The following P3H2 variants were observed in gnomAD, a reference collection of about 807,000 sequenced individuals.
P3H2 encodes prolyl 3-hydroxylase 2, also known as leprecan-like 1.
A neutral mutation model predicts 87.0 loss-of-function variants in P3H2; 80 were observed. The ratio of observed to expected loss-of-function variants is 0.92; its 90% CI spans 0.77 to 1.11. The LOEUF is 1.11. Ranked by LOEUF, P3H2 falls within the 50% of genes least tolerant of loss-of-function variation. The probability of loss-of-function intolerance (pLI) is 0.00; values close to 1 mark genes in which losing one functional copy is unlikely to be tolerated. For synonymous variants in P3H2, 367 were observed against 359.3 expected (o/e 1.02, Z -0.24); for missense variants, 1,001 against 923.9 (o/e 1.08, Z -1.08).
In P3H2 at chr3:190,076,727, C is replaced by T. The variant is rs112717047; in HGVS notation, c.480+43525G>A. 6.3e-3 allele frequency among the ~76,000 whole-genome samples: 957 copies of T among 152,302 alleles called. 12 individuals are homozygous for T. The highest frequency in any genetic ancestry group is 0.022 in the African/African-American group (901 of 41,552). ...TGACATGTCCAAGCCCACATGGCTG[C>T]TTGGTGGAAACAGGGATTAGTAATG... On this transcript the variant is annotated intron_variant, in intron 1 of 14. Transcript: ENST00000319332.
intron 1 of P3H2, among the ~76,000 whole-genome samples, chr3:190,048,096 A>C (rs1489166105): frequency 1.3e-5 from 2 of 152,232 alleles, no homozygotes; most frequent in Non-Finnish European, 2.9e-5. Context: ...GAAGAGGAGC[A>C]GTTTCACCAA....
intron 1 of P3H2, among the ~76,000 whole-genome samples, chr3:190,115,574 T>G (rs962001487): frequency 2.0e-5 from 3 of 152,114 alleles, no homozygotes; most frequent in Non-Finnish European, 4.4e-5. Context: ...AAGTATAGTT[T>G]TAAGTAATAA....
intron 1 of P3H2, among the ~76,000 whole-genome samples, chr3:190,106,053 G>A (rs1207127972): frequency 6.6e-6 from 1 of 152,168 alleles, no homozygotes; most frequent in Non-Finnish European, 1.5e-5. Flanking sequence ...GGGTAGGAAG[G>A]AGGCTTAAAG....
chr3:190,093,762 T>A (rs1727487249), intron 1 of P3H2, among the ~76,000 whole-genome samples: 1 of 152,244 alleles, frequency 6.6e-6, no homozygotes, highest in Non-Finnish European at 1.5e-5. Flanking sequence ...GTCAAAATGA[T>A]TTGCAGTAGA....
At chr3:190,117,756 A>AG (rs559756377) in intron 1 of P3H2, among the ~76,000 whole-genome samples, 4 of 65,830 alleles carry the variant, frequency 6.1e-5, no homozygotes, top group Non-Finnish European at 1.2e-4. Context: ...GGGCTGGGGG[A>AG]GGGGGGTGAA....
At chr3:189,997,662 C>G (rs1724091050) in intron 1 of P3H2, among the ~76,000 whole-genome samples, 1 of 152,142 alleles carries the variant, frequency 6.6e-6, no homozygotes, top group Non-Finnish European at 1.5e-5. Flanking sequence ...ACATTTTTAG[C>G]TACTGTCTTT....
In P3H2 at chr3:189,987,782, A is replaced by G; in HGVS notation, c.956-113T>C. On this transcript the variant is annotated intron_variant, in intron 4 of 14. Transcript: ENST00000319332. Reference sequence around the variant, plus strand: ...TCAGCATTAAACATGAATAAGAGGGAAGATAAATTGAGGCTCAGCAGAGAA... The same window carrying G: ...TCAGCATTAAACATGAATAAGAGGGGAGATAAATTGAGGCTCAGCAGAGAA... The G allele has an allele frequency of 5.7e-6, 7 of 1,220,858 alleles. No individual in the cohort carries two copies. The South Asian group carries it at 8.7e-5, about 15-fold the overall frequency. The allele number at this position is 1,220,858 out of a possible 1,614,324, so 75.6% of individuals were successfully genotyped here. A position where few individuals can be genotyped will look rare whatever the true frequency, so the allele number is the denominator to read the frequency against.
chr3:190,068,462 TTACCCCA>T (rs1726585405), intron 1 of P3H2, among the ~76,000 whole-genome samples: 1 of 152,162 alleles, frequency 6.6e-6, no homozygotes, highest in African/African-American at 2.4e-5. Context: ...TGGTGGGAAG[TTACCCCA>T]CACCCTTTGT....
intron 1 of P3H2, among the ~76,000 whole-genome samples, chr3:190,059,262 G>A (rs531767933): frequency 5.9e-5 from 9 of 152,176 alleles, no homozygotes; most frequent in Admixed American, 2.0e-4. Context: ...AGTTTCTTGA[G>A]TAGCAGGTCT....
chr3:190,053,242 A>G (rs1162477737), intron 1 of P3H2, among the ~76,000 whole-genome samples: 2 of 152,182 alleles, frequency 1.3e-5, no homozygotes, highest in Admixed American at 6.5e-5. Flanking sequence ...AATGATGTTG[A>G]GCATTTTTAA....
At chr3:189,966,322 G>C (rs1723005767) in intron 13 of P3H2, among the ~76,000 whole-genome samples, 1 of 152,190 alleles carries the variant, frequency 6.6e-6, no homozygotes, top group Non-Finnish European at 1.5e-5. Flanking sequence ...CCAAGTCTTG[G>C]TAACATCTTA....
In P3H2 at chr3:189,974,547, C is replaced by A; in HGVS notation, c.1452+11G>T. ...AGCGCAGTGAGCTCCCCTCCTTCTC[C>A]GGATCCTCACACTGGCCACGCTGTG... On this transcript the variant is annotated intron_variant, in intron 9 of 14. Transcript: ENST00000319332. The A allele has an allele frequency of 6.2e-7, 1 of 1,613,174 alleles. No homozygotes were observed. Among genetic ancestry groups the A allele is most frequent in the South Asian group, 1.1e-5 (1 of 91,016 alleles).
chr3:190,080,263 G>C (rs1470047954), intron 1 of P3H2, among the ~76,000 whole-genome samples: 2 of 152,174 alleles, frequency 1.3e-5, no homozygotes, highest in Non-Finnish European at 2.9e-5. Context: ...CATAGCAGAG[G>C]GCACTGAGGC....
At chr3:190,053,350 T>C (rs777684495) in intron 1 of P3H2, among the ~76,000 whole-genome samples, 26 of 152,184 alleles carry the variant, frequency 1.7e-4, no homozygotes, top group Non-Finnish European at 3.2e-4. Context: ...TTAAGAATTC[T>C]TTATATATTC....
At chr3:189,990,372 T>C (rs919654415) in intron 3 of P3H2, among the ~76,000 whole-genome samples, 4 of 152,120 alleles carry the variant, frequency 2.6e-5, no homozygotes, top group Non-Finnish European at 4.4e-5. Context: ...CCTTCAACTG[T>C]TTTCTCCTAC....
At chr3:190,082,657 T>G (rs1410470498) in intron 1 of P3H2, among the ~76,000 whole-genome samples, 1 of 152,218 alleles carries the variant, frequency 6.6e-6, no homozygotes, top group South Asian at 2.1e-4. Context: ...ATACTGAAAT[T>G]TATTCCCTTT....
chr3:190,007,283 G>T (rs1386230886), intron 1 of P3H2, among the ~76,000 whole-genome samples: 1 of 152,170 alleles, frequency 6.6e-6, no homozygotes, highest in African/African-American at 2.4e-5. Context: ...AAGTAAGTTG[G>T]TCAAAGGGAA....
chr3:190,017,388 A>G (rs952770932), intron 1 of P3H2, among the ~76,000 whole-genome samples: 7 of 152,226 alleles, frequency 4.6e-5, no homozygotes, highest in African/African-American at 1.7e-4. Context: ...TCATCCCCCA[A>G]AAAATATTTC....
rs1320975090 is a variant in P3H2, at chr3:190,120,828, G to A, written c.-97C>T. 4 of 1,448,156 alleles carry A rather than the reference G, an allele frequency of 2.8e-6. No homozygotes were observed. The highest frequency in any genetic ancestry group is 3.6e-6 in the Non-Finnish European group (4 of 1,101,662). 89.7% of individuals were successfully genotyped at this position (1,448,156 alleles called of 1,614,324 possible). A position where few individuals can be genotyped will look rare whatever the true frequency, so the allele number is the denominator to read the frequency against. Reference sequence around the variant, plus strand: ...CTCCCACCTTCCCTCGGGGAAGCGCGCCGACTCCGCCGCGATCTGGCCGCT... The same window carrying A: ...CTCCCACCTTCCCTCGGGGAAGCGCACCGACTCCGCCGCGATCTGGCCGCT... On this transcript the variant is annotated 5_prime_UTR_variant, in exon 1 of 15. Coordinates refer to ENST00000319332, the MANE Select transcript of P3H2 (RefSeq NM_018192.4).
Sources: allele counts gnomAD v4.1 joint callset (sites outside exome capture counted in the v4.1 genomes callset), GRCh38; gene constraint gnomAD v4.1.1; transcripts MANE v1.5; gene names NCBI Gene and HGNC (gene_info 2026-07-23, HGNC 2026-07-21).